Variants in MEF2A observed in about 807,000 individuals in gnomAD.
The protein encoded by MEF2A is myocyte-specific enhancer factor 2A.
MEF2A carries 28 observed loss-of-function variants against 55.8 expected under a neutral mutation model. That is an observed-to-expected ratio of 0.50 (90% CI 0.37 to 0.69). The LOEUF (loss-of-function observed/expected upper bound fraction) is 0.69. Ranked by LOEUF, MEF2A falls within the 30% of genes least tolerant of loss-of-function variation. The pLI is 0.00. For missense variants in MEF2A, 528 were observed against 626.2 expected, an observed-to-expected ratio of 0.84 and a Z score of 1.67; for synonymous variants, 239 against 227.1, an observed-to-expected ratio of 1.05 and a Z score of -0.47.
At chr15:99,662,116 C>T (rs1312020061) in intron 4 of MEF2A, among the ~76,000 whole-genome samples, 1 of 151,976 alleles carries the variant, frequency 6.6e-6, no homozygotes, top group Non-Finnish European at 1.5e-5. Flanking sequence ...AAAGAAAATC[C>T]AGATAATTGT....
intron 3 of MEF2A, among the ~76,000 whole-genome samples, chr15:99,641,287 CTT>C (rs1309127289): frequency 6.6e-6 from 1 of 152,174 alleles, no homozygotes; most frequent in East Asian, 1.9e-4. Context: ...TCCAGCAGAG[CTT>C]TTGTACTGCC....
chr15:99,687,030 G>C (rs1023062226), intron 7 of MEF2A, among the ~76,000 whole-genome samples: 3 of 140,778 alleles, frequency 2.1e-5, no homozygotes, highest in Non-Finnish European at 4.7e-5. Context: ...GCTCACCTCA[G>C]CCTCCTTAGT....
intron 2 of MEF2A, among the ~76,000 whole-genome samples, chr15:99,609,097 TG>T (rs1976206362): frequency 2.0e-5 from 3 of 152,154 alleles, no homozygotes; most frequent in African/African-American, 7.2e-5. Context: ...ACAGTTAAGG[TG>T]CTAGACAGTG....
chr15:99,571,457 A>G (rs550959314), intron 1 of MEF2A, among the ~76,000 whole-genome samples: 8 of 152,132 alleles, frequency 5.3e-5, no homozygotes, highest in Non-Finnish European at 1.0e-4. Flanking sequence ...TACTACTGCT[A>G]TTGCTGTTAG....
chr15:99,660,635 A>G (rs1010411302), intron 4 of MEF2A, among the ~76,000 whole-genome samples: 7 of 152,238 alleles, frequency 4.6e-5, no homozygotes, highest in African/African-American at 1.7e-4. Context: ...TGAATAAGAA[A>G]GAAATAAACT....
At chr15:99,596,224 G>C (rs1373058376) in intron 1 of MEF2A, among the ~76,000 whole-genome samples, 1 of 152,110 alleles carries the variant, frequency 6.6e-6, no homozygotes, top group Non-Finnish European at 1.5e-5. Context: ...TCAAATTTGT[G>C]TTTAATCACT....
intron 3 of MEF2A, among the ~76,000 whole-genome samples, chr15:99,642,688 G>T (rs2045246519): frequency 6.6e-6 from 1 of 152,092 alleles, no homozygotes; most frequent in African/African-American, 2.4e-5. Context: ...CACCTTCCCT[G>T]GCATTCTACA....
chr15:99,648,605 A>G (rs770420451), intron 4 of MEF2A, among the ~76,000 whole-genome samples: 32 of 152,104 alleles, frequency 2.1e-4, no homozygotes, highest in Admixed American at 3.3e-4. Flanking sequence ...TGAAAACAAC[A>G]ACTTCCATAA....
At chr15:99,688,976 C>T (rs1453696166) in intron 7 of MEF2A, among the ~76,000 whole-genome samples, 2 of 151,994 alleles carry the variant, frequency 1.3e-5, no homozygotes, top group African/African-American at 4.8e-5. Context: ...TCAGCCCCAC[C>T]CAGTCCACGT....
At chr15:99,633,581 C>T (rs941336669) in intron 3 of MEF2A, among the ~76,000 whole-genome samples, 2 of 151,970 alleles carry the variant, frequency 1.3e-5, no homozygotes, top group Non-Finnish European at 1.5e-5. Flanking sequence ...TGAATGTGTT[C>T]TAGTCAGTTA....
Position 99,690,392 on chromosome 15 carries a change from C to T in MEF2A, c.822C>T (p.Val274=), listed in dbSNP as rs2055149029. 2.5e-6 allele frequency: 4 copies of T among 1,606,136 alleles called. 1 individual carries two copies. The South Asian group carries it at 4.4e-5, about 18-fold the overall frequency. The change falls in exon 8 of 12, where the codon GTC becomes GTT. Residue 274 remains valine (V), a synonymous_variant. Transcript: ENST00000557942. Reference sequence around the variant, plus strand: ...GTAGGAAACCAGATCTTCGAGTTGTCATCCCCCCTTCAAGCAAGGGCATGA... The same window carrying T: ...GTAGGAAACCAGATCTTCGAGTTGTTATCCCCCCTTCAAGCAAGGGCATGA... ...MNSRKPDLRV[V]IPPSSKGMMP...
At chr15:99,645,103 CTG>C (rs1002679506) in intron 3 of MEF2A, among the ~76,000 whole-genome samples, 3 of 152,104 alleles carry the variant, frequency 2.0e-5, no homozygotes, top group African/African-American at 7.2e-5. Flanking sequence ...TGATCCCAGA[CTG>C]TGAATTTCAG....
At chr15:99,698,532 C>T (rs142519883) in intron 8 of MEF2A, among the ~76,000 whole-genome samples, 1 of 152,282 alleles carries the variant, frequency 6.6e-6, no homozygotes, top group African/African-American at 2.4e-5. Flanking sequence ...GTGGCTCACA[C>T]CTGTAATCCC....
At chr15:99,699,956 G>T (rs1195895358) in intron 8 of MEF2A, among the ~76,000 whole-genome samples, 2 of 73,880 alleles carry the variant, frequency 2.7e-5, no homozygotes, top group Non-Finnish European at 5.3e-5. Context: ...GTTTATATGT[G>T]TGTGTGTGTG....
In MEF2A at chr15:99,713,064, A is replaced by G. The variant is rs2058837566; in HGVS notation, c.*293A>G. 13 of 473,354 alleles carry G rather than the reference A, an allele frequency of 2.7e-5. No individual in the cohort carries two copies. The South Asian group carries it at 5.9e-4, about 21-fold the overall frequency. The allele number at this position is 473,354 out of a possible 1,614,324, so 29.3% of individuals were successfully genotyped here. A position where few individuals can be genotyped will look rare whatever the true frequency, so the allele number is the denominator to read the frequency against. On this transcript the variant is annotated 3_prime_UTR_variant, in exon 12 of 12. Coordinates refer to ENST00000557942, the MANE Select transcript of MEF2A (RefSeq NM_001319206.4). ...CACTTCCTTGGACTACTTGTTTCGT[A>G]AAGATAACCAGTTTTTGCAGAGAAA...
chr15:99,618,373 T>C (rs1030672393), intron 2 of MEF2A, among the ~76,000 whole-genome samples: 3 of 152,170 alleles, frequency 2.0e-5, no homozygotes, highest in Non-Finnish European at 4.4e-5. Flanking sequence ...CTAAAGAGAC[T>C]GACAACTAAA....
At chr15:99,588,289 T>C (rs1968062974) in intron 1 of MEF2A, among the ~76,000 whole-genome samples, 1 of 151,776 alleles carries the variant, frequency 6.6e-6, no homozygotes. Flanking sequence ...GCTAATTTTT[T>C]TTTGTTGTTT....
At chr15:99,685,919 G>A (rs899275059) in intron 7 of MEF2A, among the ~76,000 whole-genome samples, 2 of 152,064 alleles carry the variant, frequency 1.3e-5, no homozygotes, top group Non-Finnish European at 2.9e-5. Context: ...ATAGAATTCG[G>A]CTCTGAATTC....
intron 2 of MEF2A, among the ~76,000 whole-genome samples, chr15:99,625,915 T>C (rs1456903587): frequency 4.6e-5 from 7 of 152,112 alleles, no homozygotes; most frequent in Admixed American, 4.6e-4. Context: ...TAGGGTATAT[T>C]GGTCTATAGT....
Sources: allele counts gnomAD v4.1 joint callset (sites outside exome capture counted in the v4.1 genomes callset), GRCh38; gene constraint gnomAD v4.1.1; transcripts MANE v1.5; gene names NCBI Gene and HGNC (gene_info 2026-07-23, HGNC 2026-07-21).